Variants in TRIM67 observed in about 807,000 individuals in gnomAD.
The protein encoded by TRIM67 is tripartite motif-containing protein 67.
Under a neutral mutation model 71.0 loss-of-function variants are expected in TRIM67, and 39 were observed. The observed-to-expected ratio is 0.55, with a 90% confidence interval of 0.43 to 0.72. The LOEUF (loss-of-function observed/expected upper bound fraction) is 0.72. Among genes scored for constraint, TRIM67 ranks in the 30% least tolerant of loss-of-function variants. The pLI is 0.00. For synonymous variants in TRIM67, 481 were observed against 473.9 expected, an observed-to-expected ratio of 1.01 and a Z score of -0.19; for missense variants, 973 against 1,079.2, an observed-to-expected ratio of 0.90 and a Z score of 1.38.
At chr1:231,201,610 A>T in intron 5 of TRIM67, 93 bp downstream of exon 5, 1 of 1,438,942 alleles carries the variant, frequency 6.9e-7, no homozygotes, top group Non-Finnish European at 9.3e-7. Context: ...GAGACCTGTG[A>T]TGCACGGAGT....
rs1558286321 is a variant in TRIM67 at position 231,162,716 on chromosome 1, G to A, written c.-254G>A. 1.6e-5 allele frequency: 8 copies of A among 505,956 alleles called. No individual in the cohort carries two copies. The highest frequency in any genetic ancestry group is 2.8e-5 in the Non-Finnish European group (8 of 290,818). The allele number at this position is 505,956 out of a possible 1,614,324, so 31.3% of individuals were successfully genotyped here. A position where few individuals can be genotyped will look rare whatever the true frequency, so the allele number is the denominator to read the frequency against. ...CGACCGGCTCCGGAATCTGGCCGCA[G>A]GTTGAAGCCGCTGGTGCGGGACCCT... On this transcript the variant is annotated 5_prime_UTR_variant, in exon 1 of 10. Coordinates refer to ENST00000366653, the MANE Select transcript of TRIM67 (RefSeq NM_001004342.5).
intron 1 of TRIM67, among the ~76,000 whole-genome samples, chr1:231,168,557 A>C (rs945534260): frequency 2.0e-5 from 3 of 152,256 alleles, no homozygotes; most frequent in African/African-American, 7.2e-5. Context: ...AATTATGTAA[A>C]CAATTAAAAA....
rs1347235973 is a variant in TRIM67, at chr1:231,163,263, C to T, written c.294C>T (p.His98=). ...LGGGAGGGGD[H]ADKLSLYSET... ...GCGGTGCGGGAGGTGGCGGAGACCA[C>T]GCGGACAAGCTCAGCTTGTACAGCG... The change falls in exon 1 of 10, where the codon CAC becomes CAT. Residue 98 remains histidine (H), a synonymous_variant. Transcript: ENST00000366653. The T allele has an allele frequency of 2.0e-6, 3 of 1,513,936 alleles. No homozygotes were observed. Among genetic ancestry groups the T allele is most frequent in the Non-Finnish European group, 2.7e-6 (3 of 1,130,944 alleles). 93.8% of individuals were successfully genotyped at this position (1,513,936 alleles called of 1,614,324 possible).
At chr1:231,193,466 T>TA (rs1052913230) in intron 1 of TRIM67, among the ~76,000 whole-genome samples, 12 of 120,698 alleles carry the variant, frequency 9.9e-5, no homozygotes, top group Middle Eastern at 6.3e-3. Context: ...TTAATTCCCT[T>TA]AAAAAAAAAG....
rs1207900928 is a variant in TRIM67, at chr1:231,221,434, AT to A, written c.*5996del. On this transcript the variant is annotated 3_prime_UTR_variant, in exon 10 of 10. Coordinates refer to ENST00000366653, the MANE Select transcript of TRIM67 (RefSeq NM_001004342.5). Reference sequence around the variant, plus strand: ...ATCCACAAGCGTTTGTATTTTTTGAATTGCAAACACTGTGTTTTCTGGTCTT... The same window carrying A: ...ATCCACAAGCGTTTGTATTTTTTGAATGCAAACACTGTGTTTTCTGGTCTT... 1 of 152,570 alleles carries A rather than the reference AT, an allele frequency of 6.6e-6. No homozygotes were observed. The highest frequency in any genetic ancestry group is 1.5e-5 in the Non-Finnish European group (1 of 68,012). 9.5% of individuals were successfully genotyped at this position (152,570 alleles called of 1,614,324 possible).
intron 1 of TRIM67, among the ~76,000 whole-genome samples, chr1:231,169,503 C>CT (rs1682567549): frequency 6.6e-6 from 1 of 150,560 alleles, no homozygotes; most frequent in African/African-American, 2.4e-5. Flanking sequence ...CCTCAGCCTC[C>CT]AAGTAGCTGA....
intron 7 of TRIM67, among the ~76,000 whole-genome samples, chr1:231,208,097 C>T (rs559546407): frequency 1.3e-5 from 2 of 151,434 alleles, no homozygotes; most frequent in East Asian, 3.9e-4. Flanking sequence ...GCAACCTCTG[C>T]CAACCTGTTC....
chr1:231,197,557 G>A, intron 2 of TRIM67, 91 bp downstream of exon 2: 1 of 1,214,140 alleles, frequency 8.2e-7, no homozygotes, highest in Non-Finnish European at 1.2e-6. Context: ...GGGGCACGGT[G>A]GCTCACACCT....
In TRIM67 at chr1:231,218,240, A is replaced by G. The variant is rs928914646; in HGVS notation, c.*2800A>G. The G allele has an allele frequency of 3.8e-5, 38 of 1,005,720 alleles. No individual in the cohort carries two copies. The highest frequency in any genetic ancestry group is 9.9e-5 in the East Asian group (1 of 10,072). 62.3% of individuals were successfully genotyped at this position (1,005,720 alleles called of 1,614,324 possible). On this transcript the variant is annotated 3_prime_UTR_variant, in exon 10 of 10. Coordinates refer to ENST00000366653, the MANE Select transcript of TRIM67 (RefSeq NM_001004342.5). ...GAATTCTCATCCACCATCGAATTCC[A>G]TAACACGTTACATCATGGTGGCACA...
At chr1:231,202,531 T>C (rs1403829034) in intron 5 of TRIM67, among the ~76,000 whole-genome samples, 3 of 152,118 alleles carry the variant, frequency 2.0e-5, no homozygotes, top group African/African-American at 2.4e-5. Context: ...CAGCAAATGC[T>C]GGCCAGAACC....
Position 231,219,068 on chromosome 1 carries a change from G to A in TRIM67, c.*3628G>A, listed in dbSNP as rs529756837. ...GTTCAGTGTCAAGGAGGCTGCTGCT[G>A]GTCCCATGGCCACCTGCTGGCTTTG... On this transcript the variant is annotated 3_prime_UTR_variant, in exon 10 of 10. Coordinates refer to ENST00000366653, the MANE Select transcript of TRIM67 (RefSeq NM_001004342.5). The A allele has an allele frequency of 1.3e-4, 124 of 985,546 alleles. No homozygotes were observed. In the African/African-American group the frequency reaches 1.9e-3, roughly 15 times the overall value. 61.1% of individuals were successfully genotyped at this position (985,546 alleles called of 1,614,324 possible).
At position 231,162,951 on chromosome 1, in the gene TRIM67, G is replaced by C; in HGVS notation, c.-19G>C. 1 of 1,607,208 alleles carries C rather than the reference G, an allele frequency of 6.2e-7. No individual in the cohort carries two copies. Among genetic ancestry groups the C allele is most frequent in the Non-Finnish European group, 8.5e-7 (1 of 1,177,850 alleles). On this transcript the variant is annotated 5_prime_UTR_variant, in exon 1 of 10. Transcript: ENST00000366653. Reference sequence around the variant, plus strand: ...CCATTCATCCCCAGCGCAGAGCAGCGCTGGCAGCCGGCGCCGCGATGGAGG... The same window carrying C: ...CCATTCATCCCCAGCGCAGAGCAGCCCTGGCAGCCGGCGCCGCGATGGAGG...
chr1:231,217,644 T>TC lies in TRIM67; in HGVS notation c.*2204_*2205insC, dbSNP rs1684049406. The stretch of plus-strand genomic sequence containing the variant: ...AGAATGAGAGTGGGCTAGGCAGGGC[T>TC]GCCTGGTGACAGCAGCTTCTCACAG... On this transcript the variant is annotated 3_prime_UTR_variant, in exon 10 of 10. Coordinates refer to ENST00000366653, the MANE Select transcript of TRIM67 (RefSeq NM_001004342.5). 44 of 1,156,984 alleles carry TC rather than the reference T, an allele frequency of 3.8e-5. 1 individual carries two copies. In the Admixed American group the frequency reaches 1.6e-3, roughly 43 times the overall value. 71.7% of individuals were successfully genotyped at this position (1,156,984 alleles called of 1,614,324 possible). A position where few individuals can be genotyped will look rare whatever the true frequency, so the allele number is the denominator to read the frequency against.
chr1:231,163,560 G>T lies in TRIM67; in HGVS notation c.591G>T (p.Pro197=), dbSNP rs528968350. 6.6e-7 allele frequency: 1 copy of T among 1,512,620 alleles called. No homozygotes were observed. The highest frequency in any genetic ancestry group is 8.8e-7 in the Non-Finnish European group (1 of 1,136,160). The allele number at this position is 1,512,620 out of a possible 1,614,324, so 93.7% of individuals were successfully genotyped here. A position where few individuals can be genotyped will look rare whatever the true frequency, so the allele number is the denominator to read the frequency against. ...QRYQQGRGAV[P]GTSAAAAVAI... is the part of the protein sequence containing the mutation. ...ACCAGCAGGGCCGCGGGGCCGTGCC[G>T]GGGACGTCTGCAGCCGCGGCGGTGG... The change falls in exon 1 of 10, where the codon CCG becomes CCT. Residue 197 remains proline, a synonymous_variant. Coordinates refer to ENST00000366653, the MANE Select transcript of TRIM67 (RefSeq NM_001004342.5).
Position 231,215,234 on chromosome 1 carries a change from C to T in TRIM67, c.2287-141C>T, listed in dbSNP as rs980308785. 3 of 1,213,086 alleles carry T rather than the reference C, an allele frequency of 2.5e-6. No homozygotes were observed. The East Asian group carries it at 8.7e-5, about 35-fold the overall frequency. 75.1% of individuals were successfully genotyped at this position (1,213,086 alleles called of 1,614,324 possible). A position where few individuals can be genotyped will look rare whatever the true frequency, so the allele number is the denominator to read the frequency against. On this transcript the variant is annotated intron_variant, in intron 9 of 9. Transcript: ENST00000366653. ...GAATACTGGGGGACGTAATATTCAA[C>T]AGTCCACAGCAGCCCTGAGCTATTG...
intron 6 of TRIM67, among the ~76,000 whole-genome samples, chr1:231,205,480 C>A (rs905281448): frequency 6.6e-6 from 1 of 152,192 alleles, no homozygotes; most frequent in Non-Finnish European, 1.5e-5. Context: ...AATCCCAGCA[C>A]TTTGGGAGGC....
intron 1 of TRIM67, among the ~76,000 whole-genome samples, chr1:231,172,123 C>T (rs1682633565): frequency 6.6e-6 from 1 of 152,116 alleles, no homozygotes; most frequent in Admixed American, 6.6e-5. Flanking sequence ...CAAAAACGGC[C>T]CCCTTTATTG....
chr1:231,206,927 C>A, intron 7 of TRIM67, 137 bp downstream of exon 7: 1 of 936,888 alleles, frequency 1.1e-6, no homozygotes, highest in Non-Finnish European at 1.5e-6. Context: ...TCTCCAAGGG[C>A]GTGCCCTTCT....
chr1:231,172,752 A>G (rs998524862), intron 1 of TRIM67, among the ~76,000 whole-genome samples: 4 of 152,234 alleles, frequency 2.6e-5, no homozygotes, highest in African/African-American at 4.8e-5. Flanking sequence ...TATTTACTCA[A>G]TCTCTCAATC....
Sources: gnomAD v4.1 joint callset for allele counts (sites outside exome capture counted in the v4.1 genomes callset) on GRCh38, gnomAD v4.1.1 for gene constraint, MANE v1.5 for transcripts, NCBI Gene and HGNC (gene_info 2026-07-23, HGNC 2026-07-21) for gene names.